MIPEP: variants seen among roughly 807,000 people sequenced by gnomAD.
The protein encoded by MIPEP is mitochondrial intermediate peptidase.
A neutral mutation model predicts 90.3 loss-of-function variants in MIPEP; 79 were observed. The observed-to-expected ratio is 0.87, with a 90% confidence interval of 0.73 to 1.05. The LOEUF is 1.05. Ranked by LOEUF, MIPEP falls within the 50% of genes least tolerant of loss-of-function variation. The probability of loss-of-function intolerance (pLI) is 0.00; values close to 1 mark genes in which losing one functional copy is unlikely to be tolerated. For synonymous variants in MIPEP, 334 were observed against 315.8 expected, an observed-to-expected ratio of 1.06 and a Z score of -0.61; for missense variants, 940 against 905.6, an observed-to-expected ratio of 1.04 and a Z score of -0.49.
At chr13:23,768,036 G>A (rs1013491634) in intron 16 of MIPEP, among the ~76,000 whole-genome samples, 2 of 152,178 alleles carry the variant, frequency 1.3e-5, no homozygotes, top group East Asian at 3.9e-4. Flanking sequence ...GGTGACGTGT[G>A]CAGCTGGGTT....
rs116453621 is a variant in MIPEP, at chr13:23,818,082, A to G, written c.1654-8158T>C. The stretch of plus-strand genomic sequence containing the variant: ...ACACTTAGTTCTGGGTTTTGCAGTG[A>G]GCTAAGCAGCGTTAAAAGAAAAACT... On this transcript the variant is annotated intron_variant, in intron 14 of 18. Coordinates refer to ENST00000382172, the MANE Select transcript of MIPEP (RefSeq NM_005932.4). 8.6e-3 allele frequency among the ~76,000 whole-genome samples: 1,304 copies of G among 152,034 alleles called. 17 individuals are homozygous for G. The highest frequency in any genetic ancestry group is 0.03 in the African/African-American group (1,261 of 41,432).
chr13:23,768,624 A>C (rs923970177), intron 16 of MIPEP, among the ~76,000 whole-genome samples: 7 of 152,148 alleles, frequency 4.6e-5, no homozygotes, highest in African/African-American at 1.7e-4. Flanking sequence ...AGTCCCAGCT[A>C]CTCAGGAGGC....
At chr13:23,831,094 C>T (rs1868714563) in intron 14 of MIPEP, among the ~76,000 whole-genome samples, 2 of 152,020 alleles carry the variant, frequency 1.3e-5, no homozygotes, top group Admixed American at 6.6e-5. Context: ...AGGGGCTGGG[C>T]TAAGTCAATT....
At chr13:23,854,694 T>C (rs1241893574) in intron 10 of MIPEP, among the ~76,000 whole-genome samples, 2 of 151,954 alleles carry the variant, frequency 1.3e-5, no homozygotes, top group East Asian at 3.9e-4. Context: ...GAATCTGAGA[T>C]CAGCCTGGCC....
At chr13:23,845,995 A>G (rs7318819) in intron 10 of MIPEP, among the ~76,000 whole-genome samples, 15,101 of 147,652 alleles carry the variant, frequency 0.1, 2,515 homozygotes, top group African/African-American at 0.35. Flanking sequence ...GCTCACTGCA[A>G]CCTCCACCTG....
intron 14 of MIPEP, among the ~76,000 whole-genome samples, chr13:23,817,644 T>C (rs2137423039): frequency 6.6e-6 from 1 of 152,310 alleles, no homozygotes; most frequent in Middle Eastern, 3.4e-3. Context: ...AAAATTCCGA[T>C]ACCTGCATCA....
At chr13:23,832,995 A>G (rs1321125734) in intron 14 of MIPEP, among the ~76,000 whole-genome samples, 2 of 152,204 alleles carry the variant, frequency 1.3e-5, no homozygotes, top group Non-Finnish European at 2.9e-5. Flanking sequence ...GCTATGATAT[A>G]GTTCTGATAA....
chr13:23,861,036 G>T (rs572906246), intron 9 of MIPEP, among the ~76,000 whole-genome samples: 1 of 152,208 alleles, frequency 6.6e-6, no homozygotes, highest in Admixed American at 6.5e-5. Context: ...TGGGGCTCAA[G>T]AATTTGCATT....
intron 16 of MIPEP, among the ~76,000 whole-genome samples, chr13:23,761,263 A>G (rs979425526): frequency 6.6e-6 from 1 of 152,192 alleles, no homozygotes; most frequent in Non-Finnish European, 1.5e-5. Flanking sequence ...TTCTAATCAT[A>G]AGAAGGAAGA....
At chr13:23,785,940 A>G (rs1330037552) in intron 16 of MIPEP, among the ~76,000 whole-genome samples, 1 of 152,228 alleles carries the variant, frequency 6.6e-6, no homozygotes, top group Non-Finnish European at 1.5e-5. Flanking sequence ...GAGACACTAA[A>G]TCTGCCAGTG....
chr13:23,869,907 C>T (rs888477199), intron 6 of MIPEP, 106 bp downstream of exon 6: 7 of 855,336 alleles, frequency 8.2e-6, no homozygotes, highest in African/African-American at 3.5e-5. Flanking sequence ...CTTAGTAATG[C>T]TAAAAAGTTT....
chr13:23,841,950 C>T (rs1869316088), intron 10 of MIPEP, among the ~76,000 whole-genome samples: 1 of 151,992 alleles, frequency 6.6e-6, no homozygotes, highest in African/African-American at 2.4e-5. Context: ...AAGTTCTCAT[C>T]CAGTAAAATA....
intron 13 of MIPEP, among the ~76,000 whole-genome samples, chr13:23,836,655 C>T (rs1240213094): frequency 6.6e-6 from 1 of 152,210 alleles, no homozygotes; most frequent in African/African-American, 2.4e-5. Context: ...ATACATGAAA[C>T]AGATTAAAAC....
intron 10 of MIPEP, among the ~76,000 whole-genome samples, chr13:23,846,983 C>T (rs1167907731): frequency 2.0e-5 from 3 of 151,998 alleles, no homozygotes; most frequent in Non-Finnish European, 4.4e-5. Context: ...AACAGGTTTA[C>T]AAGACAGTAA....
chr13:23,868,395 G>A (rs1870634802), intron 7 of MIPEP, among the ~76,000 whole-genome samples: 1 of 152,280 alleles, frequency 6.6e-6, no homozygotes. Context: ...GTAAGATTGA[G>A]TGCATTTAGA....
chr13:23,855,551 G>C (rs762977681), intron 10 of MIPEP, among the ~76,000 whole-genome samples: 1 of 152,134 alleles, frequency 6.6e-6, no homozygotes. Context: ...CAAGGATTTA[G>C]AAATCTTCAC....
chr13:23,878,746 C>T (rs1300462040), intron 4 of MIPEP, among the ~76,000 whole-genome samples: 2 of 152,092 alleles, frequency 1.3e-5, no homozygotes, highest in East Asian at 3.9e-4. Flanking sequence ...GCCTAATGAA[C>T]CAAAGCAAAT....
intron 14 of MIPEP, among the ~76,000 whole-genome samples, chr13:23,823,314 T>G (rs1000166969): frequency 6.6e-6 from 1 of 152,146 alleles, no homozygotes; most frequent in South Asian, 2.1e-4. Flanking sequence ...TAAAAATACC[T>G]CTGCCACAAA....
chr13:23,826,811 A>C (rs558655087), intron 14 of MIPEP, among the ~76,000 whole-genome samples: 3 of 152,340 alleles, frequency 2.0e-5, no homozygotes, highest in Admixed American at 6.5e-5. Flanking sequence ...AAAATAGGAT[A>C]AACAAAGTTT....
Sources: gnomAD v4.1 joint callset for allele counts (sites outside exome capture counted in the v4.1 genomes callset) on GRCh38, gnomAD v4.1.1 for gene constraint, MANE v1.5 for transcripts, NCBI Gene and HGNC (gene_info 2026-07-23, HGNC 2026-07-21) for gene names.